Variants in SP100 observed in about 807,000 individuals in gnomAD.
The protein encoded by SP100 is SP100 nuclear body protein.
SP100 carries 84 observed loss-of-function variants against 130.0 expected under a neutral mutation model. That is an observed-to-expected ratio of 0.65 (90% CI 0.54 to 0.77). The LOEUF is 0.77. SP100 is among the 30% of genes least tolerant of loss of function. SP100 has a pLI of 0.00. For missense variants in SP100, 978 were observed against 1,052.2 expected (o/e 0.93, Z 0.97); for synonymous variants, 331 against 351.7 (o/e 0.94, Z 0.66).
In SP100 at chr2:230,505,867, G is replaced by A. The variant is rs148815567; in HGVS notation, c.1871-436G>A. Among the ~76,000 whole-genome samples, 269 of 152,282 alleles carry A rather than the reference G, an allele frequency of 1.8e-3. 2 individuals are homozygous for A. Among genetic ancestry groups the A allele is most frequent in the African/African-American group, 6.0e-3 (251 of 41,564 alleles). On this transcript the variant is annotated intron_variant, in intron 21 of 28. Transcript: ENST00000340126. Reference sequence around the variant, plus strand: ...CAAGGCAGATGTGGCTGTAGTAACAGCTTCCACATGGCCACTTGGGGACCC... The same window carrying A: ...CAAGGCAGATGTGGCTGTAGTAACAACTTCCACATGGCCACTTGGGGACCC...
chr2:230,457,193 G>C (rs1323833282), intron 8 of SP100, among the ~76,000 whole-genome samples: 1 of 152,040 alleles, frequency 6.6e-6, no homozygotes, highest in Admixed American at 6.5e-5. Flanking sequence ...CTGTGCTGGG[G>C]GAAACCTTGA....
chr2:230,451,270 T>C (rs1340504196), intron 8 of SP100, among the ~76,000 whole-genome samples: 1 of 152,238 alleles, frequency 6.6e-6, no homozygotes, highest in Non-Finnish European at 1.5e-5. Flanking sequence ...TGTACAAAGG[T>C]TCCCTTTTCT....
chr2:230,526,191 C>T (rs749110517), intron 24 of SP100, among the ~76,000 whole-genome samples: 14 of 152,050 alleles, frequency 9.2e-5, no homozygotes, highest in African/African-American at 1.2e-4. Context: ...GGTGCCCCTC[C>T]GGGATGAACC....
Position 230,541,008 on chromosome 2 carries a change from T to C in SP100, c.2331+12T>C. ...CTGAGGAGCAGTTGGTGAGTAAAAA[T>C]GTGAACCTGAAGCCTCTTCCTTTCT... On this transcript the variant is annotated intron_variant, in intron 26 of 28. Transcript: ENST00000340126. 1.2e-6 allele frequency: 2 copies of C among 1,604,802 alleles called. No homozygotes were observed. Among genetic ancestry groups the C allele is most frequent in the Non-Finnish European group, 1.7e-6 (2 of 1,173,350 alleles).
intron 17 of SP100, among the ~76,000 whole-genome samples, chr2:230,474,951 T>C (rs1477555646): frequency 1.3e-5 from 2 of 151,924 alleles, no homozygotes; most frequent in African/African-American, 4.8e-5. Context: ...GCAACTAGAT[T>C]GGTTCCGTGT....
At chr2:230,515,455 GAA>G in intron 24 of SP100, 1 of 1,613,782 alleles carries the variant, frequency 6.2e-7, no homozygotes, top group South Asian at 1.1e-5. Flanking sequence ...GCAGTTTTAT[GAA>G]AAGAAGGCTG....
intron 18 of SP100, among the ~76,000 whole-genome samples, chr2:230,495,568 C>T (rs575833333): frequency 1.3e-5 from 2 of 152,184 alleles, no homozygotes; most frequent in South Asian, 4.1e-4. Flanking sequence ...GATCCACCTG[C>T]CTCGGCCTCC....
At chr2:230,484,080 C>G (rs900688293) in intron 17 of SP100, among the ~76,000 whole-genome samples, 7 of 152,240 alleles carry the variant, frequency 4.6e-5, no homozygotes, top group Non-Finnish European at 1.0e-4. Flanking sequence ...CTAGACAACT[C>G]TTCAGCATTA....
intron 2 of SP100, among the ~76,000 whole-genome samples, chr2:230,438,650 C>T (rs62193384): frequency 0.16 from 9,363 of 57,458 alleles, 730 homozygotes; most frequent in African/African-American, 0.38. Context: ...TATATATATA[C>T]ACACACACAC....
chr2:230,447,276 T>C (rs2063753302), intron 5 of SP100, among the ~76,000 whole-genome samples: 1 of 152,186 alleles, frequency 6.6e-6, no homozygotes, highest in Non-Finnish European at 1.5e-5. Flanking sequence ...AAGGCTCCTG[T>C]TTTACCTGTA....
intron 2 of SP100, among the ~76,000 whole-genome samples, chr2:230,433,580 G>A (rs1373597646): frequency 6.6e-6 from 1 of 152,022 alleles, no homozygotes; most frequent in Non-Finnish European, 1.5e-5. Context: ...GATCAATTTG[G>A]AGAGAATTAC....
At chr2:230,537,104 C>T (rs962805731) in intron 24 of SP100, among the ~76,000 whole-genome samples, 44 of 152,110 alleles carry the variant, frequency 2.9e-4, no homozygotes, top group African/African-American at 9.4e-4. Flanking sequence ...CAAAAAATAC[C>T]AAAAATTAGT....
intron 9 of SP100, 29 bp downstream of exon 9, chr2:230,461,443 G>GT: frequency 6.2e-7 from 1 of 1,612,064 alleles, no homozygotes. Flanking sequence ...GTTTGTAACT[G>GT]TGAGTCACAG....
At chr2:230,467,000 T>A (rs1046516823) in intron 12 of SP100, 120 bp from the exon 13 acceptor site, 5 of 706,000 alleles carry the variant, frequency 7.1e-6, no homozygotes, top group Non-Finnish European at 1.3e-5. Context: ...ACGGACATTC[T>A]TGCCCTGAAG....
chr2:230,489,889 T>C (rs1389924171), intron 17 of SP100, among the ~76,000 whole-genome samples: 2 of 152,242 alleles, frequency 1.3e-5, no homozygotes, highest in Non-Finnish European at 2.9e-5. Flanking sequence ...CTATTTGTTA[T>C]GATTTCAGTT....
intron 11 of SP100, among the ~76,000 whole-genome samples, chr2:230,464,696 A>T (rs1211245103): frequency 6.6e-6 from 1 of 152,244 alleles, no homozygotes; most frequent in Non-Finnish European, 1.5e-5. Context: ...AGGGCTTTTG[A>T]AAATGAACCT....
intron 17 of SP100, among the ~76,000 whole-genome samples, chr2:230,484,196 G>C (rs772766997): frequency 6.6e-6 from 1 of 152,228 alleles, no homozygotes; most frequent in Admixed American, 6.5e-5. Context: ...TTTACAGTGT[G>C]AACGCTGAAA....
At chr2:230,500,207 G>A (rs543513524) in intron 19 of SP100, among the ~76,000 whole-genome samples, 2 of 152,154 alleles carry the variant, frequency 1.3e-5, no homozygotes, top group African/African-American at 4.8e-5. Flanking sequence ...GGTTAATGTA[G>A]AATTAAAACT....
chr2:230,469,540 A>G (rs2065159145), intron 14 of SP100: 2 of 458,578 alleles, frequency 4.4e-6, no homozygotes, highest in Non-Finnish European at 8.8e-6. Flanking sequence ...AACATTATGT[A>G]TGTTCCTTTT....
Sources: allele counts gnomAD v4.1 joint callset (sites outside exome capture counted in the v4.1 genomes callset), GRCh38; gene constraint gnomAD v4.1.1; transcripts MANE v1.5; gene names NCBI Gene and HGNC (gene_info 2026-07-23, HGNC 2026-07-21).